The following HS3ST4 variants were observed in gnomAD, a reference collection of about 807,000 sequenced individuals.
The protein encoded by HS3ST4 is heparan sulfate-glucosamine 3-sulfotransferase 4, also known as heparan sulfate glucosamine 3-O-sulfotransferase 4.
A neutral mutation model predicts 29.2 loss-of-function variants in HS3ST4; 17 were observed. The observed-to-expected ratio is 0.58, with a 90% CI of 0.40 to 0.87. The LOEUF (loss-of-function observed/expected upper bound fraction) is 0.87. HS3ST4 is among the 40% of genes least tolerant of loss of function. The probability of loss-of-function intolerance (pLI) is 0.00; values close to 1 mark genes in which losing one functional copy is unlikely to be tolerated. For synonymous variants in HS3ST4, 314 were observed against 285.7 expected, an observed-to-expected ratio of 1.10 and a Z score of -1.00; for missense variants, 627 against 634.5, an observed-to-expected ratio of 0.99 and a Z score of 0.13.
At chr16:25,718,176 A>G (rs965924335) in intron 1 of HS3ST4, among the ~76,000 whole-genome samples, 1 of 152,100 alleles carries the variant, frequency 6.6e-6, no homozygotes, top group African/African-American at 2.4e-5. Flanking sequence ...CACACCCTAT[A>G]CCCACTTCCT....
Position 26,019,660 on chromosome 16 carries a change from A to G in HS3ST4, c.735-115952A>G, listed in dbSNP as rs527784471. The stretch of plus-strand genomic sequence containing the variant: ...CCTGGGATCTAGAACACCACTTCTT[A>G]TCAAAACAGATCCCAGATCTGCACA... On this transcript the variant is annotated intron_variant, in intron 1 of 1. Coordinates refer to ENST00000331351, the MANE Select transcript of HS3ST4 (RefSeq NM_006040.3). Among the ~76,000 whole-genome samples the G allele has an allele frequency of 2.1e-3, 322 of 152,234 alleles. 1 individual carries two copies. The highest frequency in any genetic ancestry group is 0.01 in the Middle Eastern group (3 of 292).
intron 1 of HS3ST4, among the ~76,000 whole-genome samples, chr16:25,843,495 C>T (rs62036290): frequency 0.023 from 3,497 of 152,264 alleles, 68 homozygotes; most frequent in Non-Finnish European, 0.034. Context: ...ATTCTATCAA[C>T]CAAATATAAA....
intron 1 of HS3ST4, among the ~76,000 whole-genome samples, chr16:25,809,124 A>C (rs1367091639): frequency 6.6e-6 from 1 of 152,080 alleles, no homozygotes; most frequent in Non-Finnish European, 1.5e-5. Context: ...AACGTCTAGT[A>C]CTATATTGAA....
intron 1 of HS3ST4, among the ~76,000 whole-genome samples, chr16:25,829,524 T>G (rs1967272169): frequency 6.6e-6 from 1 of 152,210 alleles, no homozygotes; most frequent in Non-Finnish European, 1.5e-5. Flanking sequence ...CATCTAGGTT[T>G]TGAACACTGA....
chr16:26,016,354 A>G (rs1320060954), intron 1 of HS3ST4, among the ~76,000 whole-genome samples: 1 of 152,200 alleles, frequency 6.6e-6, no homozygotes, highest in East Asian at 1.9e-4. Context: ...ATACTCAGTT[A>G]TTTTAGAAGC....
intron 1 of HS3ST4, among the ~76,000 whole-genome samples, chr16:25,859,830 C>A (rs2141654084): frequency 6.6e-6 from 1 of 152,270 alleles, no homozygotes; most frequent in Admixed American, 6.5e-5. Flanking sequence ...TCACTACACA[C>A]CTATTAGCAG....
chr16:25,865,659 A>G (rs1326383492), intron 1 of HS3ST4, among the ~76,000 whole-genome samples: 2 of 152,262 alleles, frequency 1.3e-5, no homozygotes, highest in Non-Finnish European at 2.9e-5. Context: ...AAAAATCAGA[A>G]GTAAATCAAT....
intron 1 of HS3ST4, among the ~76,000 whole-genome samples, chr16:26,015,526 C>T (rs1969354704): frequency 1.3e-5 from 2 of 152,154 alleles, no homozygotes; most frequent in Non-Finnish European, 2.9e-5. Flanking sequence ...TTAATCATGA[C>T]TGATTGAATT....
rs545408047 is a variant in HS3ST4 at position 26,011,298 on chromosome 16, G to A, written c.735-124314G>A. On this transcript the variant is annotated intron_variant, in intron 1 of 1. Coordinates refer to ENST00000331351, the MANE Select transcript of HS3ST4 (RefSeq NM_006040.3). ...ATTTTGGCCAGGCGTGGTGGCTCACGCCTGTAATCCCAGCACTTCGGGTGG... is the reference window on the plus strand; with the variant it reads ...ATTTTGGCCAGGCGTGGTGGCTCACACCTGTAATCCCAGCACTTCGGGTGG... 1.7e-3 allele frequency among the ~76,000 whole-genome samples: 254 copies of A among 151,760 alleles called. 1 individual carries two copies. The highest frequency in any genetic ancestry group is 5.9e-3 in the African/African-American group (243 of 41,386).
chr16:26,051,395 T>A (rs545199688), intron 1 of HS3ST4, among the ~76,000 whole-genome samples: 2 of 152,202 alleles, frequency 1.3e-5, no homozygotes, highest in Admixed American at 1.3e-4. Flanking sequence ...ACGAGCATGA[T>A]TCCAGGAAGC....
rs1301758825 is a variant in HS3ST4 at position 26,007,784 on chromosome 16, T to TG, written c.735-127822dup. Among the ~76,000 whole-genome samples the TG allele has an allele frequency of 2.0e-5, 3 of 151,060 alleles. No homozygotes were observed. The South Asian group carries it at 6.3e-4, about 32-fold the overall frequency. On this transcript the variant is annotated intron_variant, in intron 1 of 1. Coordinates refer to ENST00000331351, the MANE Select transcript of HS3ST4 (RefSeq NM_006040.3). ...TAGTAGAACTTTCATTTCTACTAAA[T>TG]GGGGGGTTATGAGGCAGTATCAAGG...
chr16:25,838,733 C>G (rs1021726216), intron 1 of HS3ST4, among the ~76,000 whole-genome samples: 7 of 152,150 alleles, frequency 4.6e-5, no homozygotes, highest in Non-Finnish European at 8.8e-5. Flanking sequence ...TAGAATAGGT[C>G]CAGCCCACTG....
chr16:25,991,786 C>T (rs1969116041), intron 1 of HS3ST4, among the ~76,000 whole-genome samples: 1 of 152,096 alleles, frequency 6.6e-6, no homozygotes, highest in South Asian at 2.1e-4. Context: ...CTTTGGGAGG[C>T]TGGGGCGGGT....
At chr16:25,978,371 C>G (rs1386090430) in intron 1 of HS3ST4, among the ~76,000 whole-genome samples, 1 of 152,256 alleles carries the variant, frequency 6.6e-6, no homozygotes, top group Non-Finnish European at 1.5e-5. Context: ...CCTACAGTCT[C>G]TGTTGTAACT....
In HS3ST4 at chr16:25,828,242, C is replaced by CTCTTTCTTTCTT. The variant is rs1174433355; in HGVS notation, c.734+135138_734+135149dup. Among the ~76,000 whole-genome samples, 114 of 74,996 alleles carry CTCTTTCTTTCTT rather than the reference C, an allele frequency of 1.5e-3. 1 individual carries two copies. The highest frequency in any genetic ancestry group is 2.9e-3 in the South Asian group (5 of 1,746). 49.2% of individuals were successfully genotyped at this position (74,996 alleles called of 152,430 possible). ...CTTTCCTTTCTTTCTTTCTTTCTTT[C>CTCTTTCTTTCTT]TCTTTCTTTCTTTCTTTCTTTCTTT... is the stretch of plus-strand genomic sequence containing the variant. On this transcript the variant is annotated intron_variant, in intron 1 of 1. Coordinates refer to ENST00000331351, the MANE Select transcript of HS3ST4 (RefSeq NM_006040.3).
At chr16:25,778,022 T>C (rs1966849206) in intron 1 of HS3ST4, among the ~76,000 whole-genome samples, 1 of 152,098 alleles carries the variant, frequency 6.6e-6, no homozygotes, top group South Asian at 2.1e-4. Flanking sequence ...GATTGCTAGG[T>C]TGGGCCAGGT....
chr16:25,828,114 A>C (rs1429786324), intron 1 of HS3ST4, among the ~76,000 whole-genome samples: 1 of 151,686 alleles, frequency 6.6e-6, no homozygotes, highest in Non-Finnish European at 1.5e-5. Flanking sequence ...ATAGTACCTC[A>C]TAAGCAGCCC....
chr16:25,732,844 C>T (rs575359898), intron 1 of HS3ST4, among the ~76,000 whole-genome samples: 2 of 152,232 alleles, frequency 1.3e-5, no homozygotes, highest in Non-Finnish European at 2.9e-5. Flanking sequence ...CCCAATCGGT[C>T]GCAATAGTTC....
intron 1 of HS3ST4, among the ~76,000 whole-genome samples, chr16:25,792,398 C>T (rs546083054): frequency 6.6e-5 from 10 of 151,816 alleles, no homozygotes; most frequent in Middle Eastern, 6.8e-3. Context: ...TTTAAATATA[C>T]GGAAAAATTT....
Sources: allele counts gnomAD v4.1 joint callset (sites outside exome capture counted in the v4.1 genomes callset), GRCh38; gene constraint gnomAD v4.1.1; transcripts MANE v1.5; gene names NCBI Gene and HGNC (gene_info 2026-07-23, HGNC 2026-07-21).